TRPM3: variants seen among roughly 807,000 people sequenced by gnomAD.
TRPM3 encodes transient receptor potential cation channel subfamily M member 3, also known as long transient receptor potential channel 3.
In TRPM3, 77 loss-of-function variants were observed where a neutral mutation model predicts 181.2. That is an observed-to-expected ratio of 0.42 (90% CI 0.35 to 0.51). TRPM3 has a LOEUF of 0.51. TRPM3 is among the 20% of genes least tolerant of loss of function. The pLI, the probability that TRPM3 is intolerant of heterozygous loss-of-function variation, is 0.01. For missense variants in TRPM3, 1,759 were observed against 2,196.7 expected (o/e 0.80, Z 3.98); for synonymous variants, 745 against 796.4 (o/e 0.94, Z 1.09).
At chr9:71,245,493 G>T (rs1424673387) in intron 1 of TRPM3, among the ~76,000 whole-genome samples, 3 of 151,426 alleles carry the variant, frequency 2.0e-5, no homozygotes, top group Non-Finnish European at 2.9e-5. Flanking sequence ...TCTTTCTTTA[G>T]ATATTTAGAG....
At chr9:70,604,652 T>A (rs2060672000) in intron 19 of TRPM3, among the ~76,000 whole-genome samples, 1 of 152,174 alleles carries the variant, frequency 6.6e-6, no homozygotes. Context: ...ACTAATTCTC[T>A]TATGTTTTGG....
chr9:71,395,837 T>C (rs1387613756), intron 1 of TRPM3, among the ~76,000 whole-genome samples: 2 of 152,158 alleles, frequency 1.3e-5, no homozygotes, highest in African/African-American at 2.4e-5. Flanking sequence ...GTGAAAGAGA[T>C]GGAAATACAG....
At chr9:70,940,995 T>C (rs1341397017) in intron 1 of TRPM3, among the ~76,000 whole-genome samples, 2 of 152,250 alleles carry the variant, frequency 1.3e-5, no homozygotes, top group African/African-American at 4.8e-5. Context: ...GTATGAATTA[T>C]GCAAGAGTGG....
chr9:71,286,090 C>T (rs1207845694), intron 1 of TRPM3, among the ~76,000 whole-genome samples: 1 of 152,146 alleles, frequency 6.6e-6, no homozygotes, highest in Non-Finnish European at 1.5e-5. Context: ...GGCTCCACAT[C>T]TGTTTGAGAA....
At chr9:70,589,945 G>A (rs1344472477) in intron 22 of TRPM3, among the ~76,000 whole-genome samples, 1 of 152,136 alleles carries the variant, frequency 6.6e-6, no homozygotes, top group Non-Finnish European at 1.5e-5. Flanking sequence ...TGGGCAGTGG[G>A]AGTGGGGATG....
At chr9:70,767,265 C>T (rs2079324242) in intron 7 of TRPM3, among the ~76,000 whole-genome samples, 1 of 152,144 alleles carries the variant, frequency 6.6e-6, no homozygotes, top group African/African-American at 2.4e-5. Context: ...TACTTAGCAG[C>T]TTTAGGAGGC....
chr9:71,303,760 CAGG>C (rs979755024), intron 1 of TRPM3, among the ~76,000 whole-genome samples: 60 of 151,954 alleles, frequency 3.9e-4, no homozygotes, highest in Admixed American at 2.0e-4. Flanking sequence ...ATCAAGACCT[CAGG>C]AGAAAAGGTA....
chr9:70,815,403 A>C (rs2131490622), intron 6 of TRPM3, among the ~76,000 whole-genome samples: 1 of 152,296 alleles, frequency 6.6e-6, no homozygotes, highest in South Asian at 2.1e-4. Flanking sequence ...AAGGGTACAT[A>C]TATTTCATAT....
At chr9:70,865,843 T>C (rs910328886) in intron 1 of TRPM3, among the ~76,000 whole-genome samples, 14 of 152,082 alleles carry the variant, frequency 9.2e-5, no homozygotes, top group Admixed American at 3.9e-4. Flanking sequence ...GATGGAATCA[T>C]TTCTGGGTGT....
intron 1 of TRPM3, among the ~76,000 whole-genome samples, chr9:70,905,152 T>C (rs1386480050): frequency 6.6e-6 from 1 of 152,228 alleles, no homozygotes; most frequent in African/African-American, 2.4e-5. Context: ...GTGGGTCATA[T>C]TCTAGAGGAG....
chr9:70,681,005 A>G (rs1466022049), intron 9 of TRPM3, among the ~76,000 whole-genome samples: 3 of 152,290 alleles, frequency 2.0e-5, no homozygotes, highest in Admixed American at 2.0e-4. Flanking sequence ...CTTAAATTTA[A>G]TGCTATATTA....
chr9:71,202,458 G>A (rs1301488873), intron 1 of TRPM3, among the ~76,000 whole-genome samples: 1 of 152,128 alleles, frequency 6.6e-6, no homozygotes, highest in Non-Finnish European at 1.5e-5. Flanking sequence ...AGAGGCCTTG[G>A]TCACTAATGT....
chr9:71,022,889 T>C (rs2097858362), intron 1 of TRPM3, among the ~76,000 whole-genome samples: 1 of 151,932 alleles, frequency 6.6e-6, no homozygotes, highest in Non-Finnish European at 1.5e-5. Context: ...AATTTAAAAC[T>C]ATAAAAGTTT....
chr9:71,188,135 G>A (rs556092095), intron 1 of TRPM3, among the ~76,000 whole-genome samples: 1 of 151,880 alleles, frequency 6.6e-6, no homozygotes, highest in East Asian at 1.9e-4. Flanking sequence ...ATACACTTCT[G>A]GAAGGAGACG....
intron 1 of TRPM3, among the ~76,000 whole-genome samples, chr9:71,132,698 A>T (rs2074448328): frequency 6.6e-6 from 1 of 152,204 alleles, no homozygotes; most frequent in Admixed American, 6.5e-5. Flanking sequence ...AAAGAATTAA[A>T]ATGTATCTAT....
chr9:71,421,510 C>T (rs963443687), intron 1 of TRPM3, among the ~76,000 whole-genome samples: 1 of 151,958 alleles, frequency 6.6e-6, no homozygotes, highest in African/African-American at 2.4e-5. Flanking sequence ...AGACCCTTAT[C>T]AGCCTGCAGA....
intron 6 of TRPM3, among the ~76,000 whole-genome samples, chr9:70,820,721 CACA>C (rs1383623581): frequency 3.9e-5 from 6 of 152,060 alleles, no homozygotes; most frequent in Non-Finnish European, 7.4e-5. Flanking sequence ...CTCCTTTAAT[CACA>C]ACGACTCCTT....
intron 1 of TRPM3, among the ~76,000 whole-genome samples, chr9:70,966,709 T>C (rs2097188901): frequency 1.3e-5 from 2 of 151,728 alleles, no homozygotes; most frequent in Non-Finnish European, 2.9e-5. Context: ...AATGGACATA[T>C]AGAGGGGAAC....
At chr9:70,947,071 G>A (rs2096941539) in intron 1 of TRPM3, among the ~76,000 whole-genome samples, 1 of 152,038 alleles carries the variant, frequency 6.6e-6, no homozygotes. Context: ...ATTTTATTTG[G>A]CATATACCTA....
Sources: gnomAD v4.1 joint callset for allele counts (sites outside exome capture counted in the v4.1 genomes callset) on GRCh38, gnomAD v4.1.1 for gene constraint, MANE v1.5 for transcripts, NCBI Gene and HGNC (gene_info 2026-07-23, HGNC 2026-07-21) for gene names.